Variants in RFLNA observed in about 807,000 individuals in gnomAD.
RFLNA encodes the protein refilin A.
In RFLNA, 5 loss-of-function variants were observed where a neutral mutation model predicts 7.8. That is an observed-to-expected ratio of 0.64 (90% CI 0.34 to 1.35). RFLNA has a LOEUF of 1.35. Among genes scored for constraint, RFLNA ranks in the 40% most tolerant of loss-of-function variants. The probability of loss-of-function intolerance (pLI) is 0.04; values close to 1 mark genes in which losing one functional copy is unlikely to be tolerated. For missense variants in RFLNA, 278 were observed against 305.5 expected (o/e 0.91, Z 0.67); for synonymous variants, 141 against 131.3 (o/e 1.07, Z -0.50).
chr12:124,297,802 C>T (rs2033954955), intron 1 of RFLNA, among the ~76,000 whole-genome samples: 1 of 152,232 alleles, frequency 6.6e-6, no homozygotes, highest in Non-Finnish European at 1.5e-5. Flanking sequence ...AGCTTTGGGG[C>T]TTGCCGCTGT....
upstream of RFLNA, among the ~76,000 whole-genome samples, chr12:124,291,060 C>G (rs1298283884): frequency 2.0e-5 from 3 of 152,146 alleles, no homozygotes; most frequent in African/African-American, 7.2e-5. Flanking sequence ...AGTTGTCAGG[C>G]ATGACGACCT....
At chr12:124,300,860 A>G (rs571228669) in intron 1 of RFLNA, among the ~76,000 whole-genome samples, 1 of 150,454 alleles carries the variant, frequency 6.6e-6, no homozygotes, top group East Asian at 2.0e-4. Flanking sequence ...GAATGGGTGG[A>G]TGGATGGATG....
chr12:124,296,824 C>T (rs530034370), intron 1 of RFLNA, among the ~76,000 whole-genome samples: 12 of 152,312 alleles, frequency 7.9e-5, no homozygotes, highest in African/African-American at 2.6e-4. Flanking sequence ...GGGTGCAGCT[C>T]GGCATCAGGA....
At chr12:124,313,094 C>T (rs141026306) in intron 2 of RFLNA, among the ~76,000 whole-genome samples, 1 of 152,228 alleles carries the variant, frequency 6.6e-6, no homozygotes. Context: ...CCCAAACAGC[C>T]TTCATTGTCT....
chr12:124,314,350 C>A lies in RFLNA; in HGVS notation c.476C>A (p.Pro159Gln). 6.2e-7 allele frequency: 1 copy of A among 1,613,402 alleles called. No homozygotes were observed. Among genetic ancestry groups the A allele is most frequent in the Non-Finnish European group, 8.5e-7 (1 of 1,179,972 alleles). Residue 159 changes from proline (P) to glutamine (Q), a missense_variant, in exon 3 of 3, where the codon CCG becomes CAG. Coordinates refer to ENST00000546355, the MANE Select transcript of RFLNA (RefSeq NM_001365156.1). ...YRSQLTLEPR[P>Q]RALRFRSTTI... ...AGCCAGCTGACCCTGGAGCCACGCC[C>A]GCGCGCCCTGCGCTTCCGCAGCACC...
intron 1 of RFLNA, among the ~76,000 whole-genome samples, chr12:124,309,988 G>T (rs1015982271): frequency 6.6e-6 from 1 of 151,996 alleles, no homozygotes; most frequent in Admixed American, 6.6e-5. Context: ...GGGCAACATA[G>T]TGAGATCCTG....
At chr12:124,296,621 C>T (rs1449635183) in intron 1 of RFLNA, among the ~76,000 whole-genome samples, 2 of 152,204 alleles carry the variant, frequency 1.3e-5, no homozygotes, top group Admixed American at 6.5e-5. Context: ...GCCTCCCCGC[C>T]GCTGAAAATC....
chr12:124,308,775 C>T (rs751325905), intron 1 of RFLNA, among the ~76,000 whole-genome samples: 1 of 152,248 alleles, frequency 6.6e-6, no homozygotes, highest in Non-Finnish European at 1.5e-5. Context: ...CTTGAGGCCT[C>T]TTCTCTGAGG....
chr12:124,291,546 C>T (rs546120478), upstream of RFLNA, among the ~76,000 whole-genome samples: 12 of 152,330 alleles, frequency 7.9e-5, no homozygotes, highest in East Asian at 1.9e-4. Flanking sequence ...CATGAGCCAC[C>T]GTTCCTGGCC....
intron 1 of RFLNA, among the ~76,000 whole-genome samples, chr12:124,301,661 G>A (rs2034041091): frequency 6.6e-6 from 1 of 152,162 alleles, no homozygotes; most frequent in African/African-American, 2.4e-5. Context: ...ACAGAGATGG[G>A]TGTCCCCTAT....
intron 1 of RFLNA, among the ~76,000 whole-genome samples, chr12:124,310,836 T>C (rs898708316): frequency 3.3e-5 from 5 of 152,192 alleles, no homozygotes; most frequent in Admixed American, 6.5e-5. Flanking sequence ...GAAGGGGCTG[T>C]GGATGGCTTC....
intron 2 of RFLNA, 35 bp from the exon 3 acceptor site, chr12:124,314,157 C>A (rs1373821236): frequency 6.3e-7 from 1 of 1,587,304 alleles, no homozygotes; most frequent in South Asian, 1.2e-5. Context: ...GCCCCCAATC[C>A]TGGGTTCACT....
At chr12:124,300,777 C>CGGATGGATGGAT (rs59223953) in intron 1 of RFLNA, among the ~76,000 whole-genome samples, 2 of 69,960 alleles carry the variant, frequency 2.9e-5, no homozygotes, top group African/African-American at 5.0e-5. Context: ...GATGGATTGA[C>CGGATGGATGGAT]GGATGGATGG....
upstream of RFLNA, among the ~76,000 whole-genome samples, chr12:124,290,352 G>A (rs1358056986): frequency 2.0e-5 from 3 of 150,068 alleles, no homozygotes; most frequent in Non-Finnish European, 4.4e-5. The surrounding 1 kb of genome is among the most constrained non-coding windows in gnomAD (Gnocchi z 4.0). Flanking sequence ...GTGTGCATAT[G>A]TGTATGTGTG....
chr12:124,302,818 C>CGAGGTCAGAGGGCT, intron 1 of RFLNA, among the ~76,000 whole-genome samples: 1 of 145,198 alleles, frequency 6.9e-6, no homozygotes, highest in East Asian at 2.0e-4. Context: ...GGTCAGGGGC[C>CGAGGTCAGAGGGCT]GAGGTCAGGG....
chr12:124,295,332 C>G lies in RFLNA; in HGVS notation c.-98C>G. 1.6e-6 allele frequency: 1 copy of G among 617,406 alleles called. No individual in the cohort carries two copies. The highest frequency in any genetic ancestry group is 2.3e-6 in the Non-Finnish European group (1 of 442,792). The allele number at this position is 617,406 out of a possible 1,614,324, so 38.2% of individuals were successfully genotyped here. On this transcript the variant is annotated 5_prime_UTR_variant, in exon 1 of 3. Transcript: ENST00000546355. ...CTCGCGGTGCCCGCAGGTCCCCGGGCGCGCAGCTCTCGCCCCGCCGCCGCC... is the reference window on the plus strand; with the variant it reads ...CTCGCGGTGCCCGCAGGTCCCCGGGGGCGCAGCTCTCGCCCCGCCGCCGCC...
chr12:124,313,896 C>T (rs189697118), intron 2 of RFLNA, among the ~76,000 whole-genome samples: 5 of 152,324 alleles, frequency 3.3e-5, no homozygotes, highest in Non-Finnish European at 5.9e-5. Context: ...CCACACGACA[C>T]GGCTCAGTTT....
chr12:124,302,919 C>T (rs1408369537), intron 1 of RFLNA, among the ~76,000 whole-genome samples: 1 of 149,336 alleles, frequency 6.7e-6, no homozygotes, highest in Admixed American at 6.7e-5. Context: ...TTCATAAGGA[C>T]GCCTCTCCCG....
At chr12:124,309,387 G>A (rs536211476) in intron 1 of RFLNA, among the ~76,000 whole-genome samples, 17 of 152,312 alleles carry the variant, frequency 1.1e-4, no homozygotes, top group South Asian at 6.2e-4. Flanking sequence ...AAGCTGCGAC[G>A]AGGCCAGGAG....
Sources: allele counts gnomAD v4.1 joint callset (sites outside exome capture counted in the v4.1 genomes callset), GRCh38; gene constraint gnomAD v4.1.1; non-coding constraint Gnocchi (gnomAD v3.1); transcripts MANE v1.5; gene names NCBI Gene and HGNC (gene_info 2026-07-23, HGNC 2026-07-21).